Variants in ASTN2 observed in about 807,000 individuals in gnomAD.
ASTN2 encodes astrotactin-2.
Under a neutral mutation model 139.8 loss-of-function variants are expected in ASTN2, and 54 were observed. The observed-to-expected ratio is 0.39, with a 90% CI of 0.31 to 0.48. The LOEUF (loss-of-function observed/expected upper bound fraction) is 0.48, where lower values mean the gene tolerates loss of function less well. Among genes scored for constraint, ASTN2 ranks in the 20% least tolerant of loss-of-function variants. The probability of loss-of-function intolerance (pLI) is 0.95; values close to 1 mark genes in which losing one functional copy is unlikely to be tolerated. For synonymous variants in ASTN2, 756 were observed against 719.5 expected, an observed-to-expected ratio of 1.05 and a Z score of -0.81; for missense variants, 1,565 against 1,725.1, an observed-to-expected ratio of 0.91 and a Z score of 1.64.
intron 4 of ASTN2, among the ~76,000 whole-genome samples, chr9:117,136,274 A>T (rs1357319903): frequency 1.3e-5 from 2 of 152,186 alleles, no homozygotes; most frequent in Non-Finnish European, 2.9e-5. Context: ...TAGTTAGTTA[A>T]ATCATGGTTC....
chr9:116,768,748 G>T (rs1477585526), intron 13 of ASTN2, among the ~76,000 whole-genome samples: 1 of 152,182 alleles, frequency 6.6e-6, no homozygotes, highest in Non-Finnish European at 1.5e-5. Context: ...GAGCTAGAAA[G>T]TGGGCTCTCA....
At chr9:117,090,443 C>T (rs1283806508) in intron 5 of ASTN2, among the ~76,000 whole-genome samples, 1 of 152,172 alleles carries the variant, frequency 6.6e-6, no homozygotes, top group African/African-American at 2.4e-5. Context: ...GACACCCCTC[C>T]AAAATAGTCC....
intron 2 of ASTN2, among the ~76,000 whole-genome samples, chr9:117,222,925 C>T (rs1029184): frequency 0.99 from 151,013 of 152,268 alleles, 74,893 homozygotes; most frequent in Middle Eastern, 1. Flanking sequence ...TAAAACCATA[C>T]AACCAAGTAG....
intron 20 of ASTN2, among the ~76,000 whole-genome samples, chr9:116,459,267 T>G (rs1001252410): frequency 6.6e-6 from 1 of 151,954 alleles, no homozygotes; most frequent in East Asian, 1.9e-4. Context: ...TTAAAATAGG[T>G]CATTAAAGAC....
At chr9:116,877,816 C>G (rs1487195200) in intron 10 of ASTN2, among the ~76,000 whole-genome samples, 1 of 152,102 alleles carries the variant, frequency 6.6e-6, no homozygotes, top group Admixed American at 6.6e-5. Context: ...TTGTTCTGAC[C>G]ATTTAGTCAT....
At chr9:117,172,247 G>A (rs1043121304) in intron 3 of ASTN2, among the ~76,000 whole-genome samples, 3 of 152,108 alleles carry the variant, frequency 2.0e-5, no homozygotes, top group Admixed American at 2.0e-4. Flanking sequence ...GATACAGTAG[G>A]TACTGTAGAA....
intron 2 of ASTN2, among the ~76,000 whole-genome samples, chr9:117,241,761 C>T (rs956848101): frequency 5.3e-5 from 8 of 152,090 alleles, no homozygotes; most frequent in African/African-American, 1.9e-4. Flanking sequence ...CTGTAAAGCA[C>T]ATAAATGGGG....
intron 4 of ASTN2, among the ~76,000 whole-genome samples, chr9:117,101,589 C>T (rs1228153127): frequency 6.6e-6 from 1 of 152,074 alleles, no homozygotes; most frequent in Non-Finnish European, 1.5e-5. Flanking sequence ...TAAGTACTGC[C>T]CCAGGTACCT....
Position 116,849,313 on chromosome 9 carries a change from G to T in ASTN2, c.2040+14270C>A, listed in dbSNP as rs142416926. On this transcript the variant is annotated intron_variant, in intron 11 of 22. Coordinates refer to ENST00000313400, the MANE Select transcript of ASTN2 (RefSeq NM_001365068.1). ...CCTTCTCCCCAGTTCAGAGGTTGGG[G>T]GTGGGGCTAAAAGTCCCAACCCTCT... Among the ~76,000 whole-genome samples the T allele has an allele frequency of 6.1e-3, 922 of 152,160 alleles. 8 individuals are homozygous for T. Among genetic ancestry groups the T allele is most frequent in the African/African-American group, 0.021 (867 of 41,522 alleles).
At chr9:117,316,923 A>G (rs1828162197) in intron 1 of ASTN2, among the ~76,000 whole-genome samples, 2 of 152,156 alleles carry the variant, frequency 1.3e-5, no homozygotes, top group Admixed American at 1.3e-4. Flanking sequence ...GACCAGAAGG[A>G]AACACACTGG....
chr9:117,249,559 G>A (rs1403560216), intron 2 of ASTN2, among the ~76,000 whole-genome samples: 3 of 152,134 alleles, frequency 2.0e-5, no homozygotes, highest in African/African-American at 7.2e-5. Flanking sequence ...TAAAAGGAAA[G>A]TTCCTCTAAG....
At chr9:116,437,587 G>C (rs966899863) in intron 22 of ASTN2, 1 of 470,998 alleles carries the variant, frequency 2.1e-6, no homozygotes, top group Non-Finnish European at 4.4e-6. Flanking sequence ...AAGGATTCCA[G>C]GAGGCTGTAA....
chr9:116,651,380 T>C (rs149992418), intron 17 of ASTN2, 148 bp downstream of exon 17: 12 of 922,254 alleles, frequency 1.3e-5, no homozygotes, highest in African/African-American at 6.7e-5. Context: ...ATTTAGAACA[T>C]GGTAAGGAAT....
chr9:116,586,831 TAC>T (rs71377255), intron 19 of ASTN2, among the ~76,000 whole-genome samples: 1 of 133,846 alleles, frequency 7.5e-6, no homozygotes, highest in Non-Finnish European at 1.6e-5. Flanking sequence ...CACACATACA[TAC>T]ACACACACAC....
intron 4 of ASTN2, among the ~76,000 whole-genome samples, chr9:117,138,664 G>A (rs1344151242): frequency 2.0e-5 from 3 of 152,320 alleles, no homozygotes; most frequent in Admixed American, 6.5e-5. Flanking sequence ...ATAGTTGTAA[G>A]GAGCAGTTAA....
chr9:117,358,466 T>C (rs551796149), intron 1 of ASTN2, among the ~76,000 whole-genome samples: 14 of 152,238 alleles, frequency 9.2e-5, no homozygotes, highest in African/African-American at 3.1e-4. Flanking sequence ...TTGGGCCTGA[T>C]AGCACAATGA....
chr9:116,850,764 G>T (rs558613605), intron 11 of ASTN2, among the ~76,000 whole-genome samples: 23 of 152,182 alleles, frequency 1.5e-4, no homozygotes, highest in Non-Finnish European at 2.5e-4. Context: ...ACCTGCAAGG[G>T]TTGGTACCAG....
In ASTN2 at chr9:116,685,408, G is replaced by A. The variant is rs1418911326; in HGVS notation, c.2807-33615C>T. Among the ~76,000 whole-genome samples, 4 of 152,240 alleles carry A rather than the reference G, an allele frequency of 2.6e-5. No individual in the cohort carries two copies. In the South Asian group the frequency reaches 8.3e-4, roughly 32 times the overall value. ...CAGTCTCCCGCACAGCTGACTCTGC[G>A]TGAATTACTCTTTAACTATTGCAAT... On this transcript the variant is annotated intron_variant, in intron 16 of 22. Transcript: ENST00000313400.
intron 19 of ASTN2, among the ~76,000 whole-genome samples, chr9:116,605,283 C>T (rs544373775): frequency 3.3e-5 from 5 of 152,244 alleles, no homozygotes; most frequent in East Asian, 3.9e-4. Flanking sequence ...GATGTTGCTG[C>T]CTTGTATGAG....
Sources: gnomAD v4.1 joint callset for allele counts (sites outside exome capture counted in the v4.1 genomes callset) on GRCh38, gnomAD v4.1.1 for gene constraint, MANE v1.5 for transcripts, NCBI Gene and HGNC (gene_info 2026-07-23, HGNC 2026-07-21) for gene names.